The following ABHD3 variants were observed in gnomAD, a reference collection of about 807,000 sequenced individuals.
ABHD3 encodes the protein phospholipase ABHD3.
In ABHD3, 46 loss-of-function variants were observed where a neutral mutation model predicts 48.8. That is an observed-to-expected ratio of 0.94 (90% CI 0.74 to 1.20). ABHD3 has a LOEUF of 1.20. Ranked by LOEUF, ABHD3 falls within the 50% of genes most tolerant of loss-of-function variation. ABHD3 has a pLI of 0.00. For synonymous variants in ABHD3, 192 were observed against 183.7 expected, an observed-to-expected ratio of 1.04 and a Z score of -0.36; for missense variants, 490 against 497.8, an observed-to-expected ratio of 0.98 and a Z score of 0.15.
chr18:21,668,428 T>C (rs1324906982), intron 4 of ABHD3, among the ~76,000 whole-genome samples: 1 of 152,090 alleles, frequency 6.6e-6, no homozygotes, highest in Non-Finnish European at 1.5e-5. Context: ...ACTATATGTG[T>C]ATATGTAAGA....
At position 21,699,267 on chromosome 18, in the gene ABHD3, G is replaced by A. The variant is rs146514140; in HGVS notation, c.509+3049C>T. ...GAAGTAGATGAGAACGCTGTGATGA[G>A]GGAACTTAAATTAACTGGCCAGGGT... On this transcript the variant is annotated intron_variant, in intron 3 of 8. Coordinates refer to ENST00000289119, the MANE Select transcript of ABHD3 (RefSeq NM_138340.5). Among the ~76,000 whole-genome samples, 188 of 152,262 alleles carry A rather than the reference G, an allele frequency of 1.2e-3. 3 individuals are homozygous for A. The East Asian group carries it at 0.026, about 21-fold the overall frequency.
Position 21,664,241 on chromosome 18 carries a change from T to C in ABHD3, c.556-11A>G, listed in dbSNP as rs780603209. ...ATAAGTCCTTGGCGTCTGGAAGTAG[T>C]GACAAGTAAAGCACAAAAATTACAA... is the stretch of plus-strand genomic sequence containing the variant. On this transcript the variant is annotated splice_polypyrimidine_tract_variant and intron_variant, in intron 4 of 8. Coordinates refer to ENST00000289119, the MANE Select transcript of ABHD3 (RefSeq NM_138340.5). 1 of 1,602,604 alleles carries C rather than the reference T, an allele frequency of 6.2e-7. No individual in the cohort carries two copies. Among genetic ancestry groups the C allele is most frequent in the Non-Finnish European group, 8.5e-7 (1 of 1,177,412 alleles).
chr18:21,666,613 A>G (rs2039637153), intron 4 of ABHD3, among the ~76,000 whole-genome samples: 1 of 152,200 alleles, frequency 6.6e-6, no homozygotes, highest in Non-Finnish European at 1.5e-5. Context: ...TACAGGCGTG[A>G]GCCACTGTGC....
Position 21,664,132 on chromosome 18 carries a change from C to T in ABHD3, c.654G>A (p.Gly218=), listed in dbSNP as rs375511804. Residue 218 remains glycine, a synonymous_variant, in exon 5 of 9, where the codon GGG becomes GGA. Coordinates refer to ENST00000289119, the MANE Select transcript of ABHD3 (RefSeq NM_138340.5). ...LYPSAPFLAA[G]VSMGGMLLLN... ...GAAAACCTTACCCTCCCATTGAAAC[C>T]CCTGCTGCCAGGAAAGGAGCAGAAG... 139 of 1,610,062 alleles carry T rather than the reference C, an allele frequency of 8.6e-5. No individual in the cohort carries two copies. The highest frequency in any genetic ancestry group is 5.4e-5 in the Non-Finnish European group (64 of 1,179,282).
At chr18:21,679,147 C>T (rs541070042) in intron 4 of ABHD3, among the ~76,000 whole-genome samples, 2 of 152,278 alleles carry the variant, frequency 1.3e-5, no homozygotes, top group East Asian at 1.9e-4. Context: ...CCTAAAGTCT[C>T]GCTTACTCTG....
At chr18:21,704,475 C>G (rs958148489) in intron 1 of ABHD3, 29 bp downstream of exon 1, 2 of 1,355,732 alleles carry the variant, frequency 1.5e-6, no homozygotes, top group Admixed American at 6.7e-5. Flanking sequence ...GGCCCAGCAG[C>G]CCGCGGCCCT....
chr18:21,689,258 G>A lies in ABHD3; in HGVS notation c.510-5293C>T, dbSNP rs1001620232. Among the ~76,000 whole-genome samples the A allele has an allele frequency of 3.9e-5, 6 of 151,922 alleles. No homozygotes were observed. In the South Asian group the frequency reaches 6.2e-4, roughly 16 times the overall value. ...ATAAATAAAAGTTGGATAGAAATGC[G>A]CAGTCTCTTGGCTGGGCACAGTGCT... On this transcript the variant is annotated intron_variant, in intron 3 of 8. Transcript: ENST00000289119.
Position 21,664,232 on chromosome 18 carries a change from T to C in ABHD3, c.556-2A>G. ...AGCACAACAATAAGTCCTTGGCGTC[T>C]GGAAGTAGTGACAAGTAAAGCACAA... On this transcript the variant is annotated splice_acceptor_variant, in intron 4 of 8. Transcript: ENST00000289119. LOFTEE classifies it high-confidence loss of function. 1.2e-6 allele frequency: 2 copies of C among 1,604,992 alleles called. No individual in the cohort carries two copies. The highest frequency in any genetic ancestry group is 1.7e-6 in the Non-Finnish European group (2 of 1,178,000).
chr18:21,690,090 G>A (rs6508547), intron 3 of ABHD3, among the ~76,000 whole-genome samples: 53,379 of 151,142 alleles, frequency 0.35, 14,484 homozygotes, highest in African/African-American at 0.74. Context: ...AGGACATTAA[G>A]GGTGGTGGGG....
At chr18:21,657,905 CAG>C (rs1003656925) in intron 6 of ABHD3, among the ~76,000 whole-genome samples, 7 of 151,842 alleles carry the variant, frequency 4.6e-5, no homozygotes, top group African/African-American at 1.5e-4. Flanking sequence ...AATAAGCAAA[CAG>C]AAATATCTCT....
intron 4 of ABHD3, among the ~76,000 whole-genome samples, chr18:21,678,180 C>T (rs907930888): frequency 2.1e-4 from 31 of 149,042 alleles, no homozygotes; most frequent in African/African-American, 7.0e-4. Context: ...GTCCTGAACT[C>T]CTGGACTCAA....
intron 4 of ABHD3, among the ~76,000 whole-genome samples, chr18:21,665,421 G>A (rs2039600150): frequency 6.6e-6 from 1 of 151,528 alleles, no homozygotes; most frequent in African/African-American, 2.4e-5. Context: ...TTATTTTTTT[G>A]TAGAGACAGG....
At chr18:21,664,326 T>C in intron 4 of ABHD3, 96 bp from the exon 5 acceptor site, 2 of 1,146,808 alleles carry the variant, frequency 1.7e-6, no homozygotes, top group Non-Finnish European at 2.4e-6. Flanking sequence ...GTCATACATA[T>C]GAGAAAATAA....
At chr18:21,696,025 C>T (rs982497628) in intron 3 of ABHD3, among the ~76,000 whole-genome samples, 2 of 151,846 alleles carry the variant, frequency 1.3e-5, no homozygotes, top group Non-Finnish European at 2.9e-5. Flanking sequence ...TGAAGGCTCT[C>T]GGTTTTATTT....
intron 5 of ABHD3, among the ~76,000 whole-genome samples, chr18:21,663,106 G>T (rs1171151030): frequency 6.6e-6 from 1 of 151,954 alleles, no homozygotes; most frequent in Non-Finnish European, 1.5e-5. Flanking sequence ...TTTCTTCTTA[G>T]TTTTATGTTT....
At chr18:21,657,207 C>T in intron 6 of ABHD3, 55 bp from the exon 7 acceptor site, 3 of 1,505,800 alleles carry the variant, frequency 2.0e-6, no homozygotes, top group South Asian at 1.3e-5. Context: ...CTCCATCATA[C>T]TAAAAGGACT....
At chr18:21,657,262 C>T in intron 6 of ABHD3, 110 bp from the exon 7 acceptor site, 1 of 904,372 alleles carries the variant, frequency 1.1e-6, no homozygotes, top group African/African-American at 1.7e-5. Flanking sequence ...ACAAAGTTGG[C>T]ACTCAATAAA....
chr18:21,678,775 G>A (rs556353785), intron 4 of ABHD3, among the ~76,000 whole-genome samples: 2 of 152,214 alleles, frequency 1.3e-5, no homozygotes, highest in East Asian at 3.9e-4. Context: ...AATATCTGAG[G>A]TTTGCTCTAC....
intron 4 of ABHD3, chr18:21,673,500 GT>G (rs1330217788): frequency 6.6e-6 from 1 of 152,298 alleles, no homozygotes; most frequent in East Asian, 1.9e-4. Flanking sequence ...CTCCATGTTG[GT>G]CAGGCTGGTC....
Sources: gnomAD v4.1 joint callset for allele counts (sites outside exome capture counted in the v4.1 genomes callset) on GRCh38, gnomAD v4.1.1 for gene constraint, MANE v1.5 for transcripts, NCBI Gene and HGNC (gene_info 2026-07-23, HGNC 2026-07-21) for gene names.